The following ST8SIA3 variants were observed in gnomAD, a reference collection of about 807,000 sequenced individuals.
ST8SIA3 encodes ST8 alpha-N-acetyl-neuraminide alpha-2,8-sialyltransferase 3.
A neutral mutation model predicts 34.5 loss-of-function variants in ST8SIA3; 17 were observed. The observed-to-expected ratio is 0.49, with a 90% CI of 0.34 to 0.74. The LOEUF is 0.74. Among genes scored for constraint, ST8SIA3 ranks in the 30% least tolerant of loss-of-function variants. The pLI is 0.01. For missense variants in ST8SIA3, 354 were observed against 467.8 expected, an observed-to-expected ratio of 0.76 and a Z score of 2.24; for synonymous variants, 172 against 176.1, an observed-to-expected ratio of 0.98 and a Z score of 0.19.
Position 57,352,814 on chromosome 18 carries a change from T to G in ST8SIA3, c.-33T>G, listed in dbSNP as rs897045760. On this transcript the variant is annotated 5_prime_UTR_variant, in exon 1 of 4. Transcript: ENST00000324000. ...CTGCTGGCCGCTCAATGGACCGATT[T>G]CCCCGGTTTCCCTGAACCCAGCCCA... 2 of 1,603,906 alleles carry G rather than the reference T, an allele frequency of 1.2e-6. No individual in the cohort carries two copies. The highest frequency in any genetic ancestry group is 2.7e-5 in the African/African-American group (2 of 74,544).
In ST8SIA3 at chr18:57,356,934, C is replaced by T. The variant is rs372710146; in HGVS notation, c.324C>T (p.Val108=). ...TTAGGCAAGAAATTCTTCAGCATGT[C>T]GATGTAATAAAAAATTTTTCTTTGA... ...LHQRQEILQH[V]DVIKNFSLTK... is the part of the protein sequence containing the mutation. The change falls in exon 3 of 4, where the codon GTC becomes GTT. Residue 108 remains valine, a synonymous_variant. Transcript: ENST00000324000. The T allele has an allele frequency of 2.1e-4, 339 of 1,598,440 alleles. 1 individual carries two copies. Among genetic ancestry groups the T allele is most frequent in the Non-Finnish European group, 2.7e-4 (322 of 1,171,310 alleles).
intron 3 of ST8SIA3, among the ~76,000 whole-genome samples, chr18:57,358,077 T>G (rs2049809219): frequency 6.6e-6 from 1 of 152,246 alleles, no homozygotes; most frequent in South Asian, 2.1e-4. Context: ...CAACTCTGGT[T>G]GTATATTAGA....
At chr18:57,356,133 C>T (rs1408509877) in intron 2 of ST8SIA3, among the ~76,000 whole-genome samples, 1 of 152,138 alleles carries the variant, frequency 6.6e-6, no homozygotes, top group Non-Finnish European at 1.5e-5. Context: ...CTTAATTTTA[C>T]TTAAAGCTCA....
rs1471611192 is a variant in ST8SIA3, at chr18:57,368,531, G to A, written c.*8254G>A. 6.6e-6 allele frequency: 1 copy of A among 152,154 alleles called. No individual in the cohort carries two copies. The highest frequency in any genetic ancestry group is 1.5e-5 in the Non-Finnish European group (1 of 68,040). 9.4% of individuals were successfully genotyped at this position (152,154 alleles called of 1,614,324 possible). A position where few individuals can be genotyped will look rare whatever the true frequency, so the allele number is the denominator to read the frequency against. On this transcript the variant is annotated 3_prime_UTR_variant, in exon 4 of 4. Coordinates refer to ENST00000324000, the MANE Select transcript of ST8SIA3 (RefSeq NM_015879.3). Reference sequence around the variant, plus strand: ...AGTGCCATTTTATGCTGAGATACTGGTATTGAAAACTTCCCTCTTTCCCAA... The same window carrying A: ...AGTGCCATTTTATGCTGAGATACTGATATTGAAAACTTCCCTCTTTCCCAA...
intron 2 of ST8SIA3, among the ~76,000 whole-genome samples, chr18:57,355,051 G>T (rs1054011640): frequency 9.9e-5 from 15 of 152,110 alleles, no homozygotes; most frequent in Non-Finnish European, 5.9e-5. Flanking sequence ...TTTAACTATG[G>T]TTTTGTTTTG....
chr18:57,354,390 G>C lies in ST8SIA3; in HGVS notation c.180-12G>C. On this transcript the variant is annotated splice_polypyrimidine_tract_variant and intron_variant, in intron 1 of 3. Coordinates refer to ENST00000324000, the MANE Select transcript of ST8SIA3 (RefSeq NM_015879.3). ...GGCCAGCACGCTTGTCTGTGCTCAT[G>C]CTCCTCTCCAGGTCACAATTTGCGC... 1 of 1,613,870 alleles carries C rather than the reference G, an allele frequency of 6.2e-7. No homozygotes were observed. Among genetic ancestry groups the C allele is most frequent in the Non-Finnish European group, 8.5e-7 (1 of 1,179,840 alleles).
intron 3 of ST8SIA3, among the ~76,000 whole-genome samples, chr18:57,359,642 A>G (rs75142474): frequency 0.011 from 1,722 of 152,258 alleles, 37 homozygotes; most frequent in African/African-American, 0.039. Context: ...ACCACTCTTT[A>G]GAAAAACCCA....
rs1440875283 is a variant in ST8SIA3 at position 57,355,603 on chromosome 18, T to C, written c.302+1079T>C. Among the ~76,000 whole-genome samples, 4 of 152,294 alleles carry C rather than the reference T, an allele frequency of 2.6e-5. No individual in the cohort carries two copies. The East Asian group carries it at 7.7e-4, about 29-fold the overall frequency. Reference sequence around the variant, plus strand: ...ATCAATTCTAAAACTCTAGAAGTGTTTTTTTAATAATTGGGTTTTAATTCA... The same window carrying C: ...ATCAATTCTAAAACTCTAGAAGTGTCTTTTTAATAATTGGGTTTTAATTCA... On this transcript the variant is annotated intron_variant, in intron 2 of 3. Transcript: ENST00000324000.
At position 57,368,558 on chromosome 18, in the gene ST8SIA3, T is replaced by C. The variant is rs973720376; in HGVS notation, c.*8281T>C. On this transcript the variant is annotated 3_prime_UTR_variant, in exon 4 of 4. Transcript: ENST00000324000. ...ATTGAAAACTTCCCTCTTTCCCAACTCTGTCAGAAGTTCTCTTGCTCTTTG... is the reference window on the plus strand; with the variant it reads ...ATTGAAAACTTCCCTCTTTCCCAACCCTGTCAGAAGTTCTCTTGCTCTTTG... 7 of 152,224 alleles carry C rather than the reference T, an allele frequency of 4.6e-5. No individual in the cohort carries two copies. The highest frequency in any genetic ancestry group is 1.7e-4 in the African/African-American group (7 of 41,452). The allele number at this position is 152,224 out of a possible 1,614,324, so 9.4% of individuals were successfully genotyped here.
At position 57,352,558 on chromosome 18, in the gene ST8SIA3, C is replaced by A; in HGVS notation, c.-289C>A. 2.5e-6 allele frequency: 1 copy of A among 395,664 alleles called. No homozygotes were observed. The highest frequency in any genetic ancestry group is 4.6e-6 in the Non-Finnish European group (1 of 215,386). The allele number at this position is 395,664 out of a possible 1,614,324, so 24.5% of individuals were successfully genotyped here. On this transcript the variant is annotated 5_prime_UTR_variant, in exon 1 of 4. Transcript: ENST00000324000. ...CGGGGACGCACGGCGCTGCGCGCTCCTTCGCCACGCCGCCGCGCAGCCCCT... is the reference window on the plus strand; with the variant it reads ...CGGGGACGCACGGCGCTGCGCGCTCATTCGCCACGCCGCCGCGCAGCCCCT...
At chr18:57,353,083 G>T in intron 1 of ST8SIA3, 58 bp downstream of exon 1, 2 of 1,574,058 alleles carry the variant, frequency 1.3e-6, no homozygotes, top group Non-Finnish European at 1.7e-6. Flanking sequence ...GGTGTTTGGG[G>T]AAGGGAAGGC....
chr18:57,354,526 T>C lies in ST8SIA3; in HGVS notation c.302+2T>C. On this transcript the variant is annotated splice_donor_variant, in intron 2 of 3. Coordinates refer to ENST00000324000, the MANE Select transcript of ST8SIA3 (RefSeq NM_015879.3). LOFTEE classifies it high-confidence loss of function. The stretch of plus-strand genomic sequence containing the variant: ...TCGGACAGCGTTTTTACATCAAAGG[T>C]AGGATAGGAGGAAAAGATCCAAAAG... 4 of 1,613,952 alleles carry C rather than the reference T, an allele frequency of 2.5e-6. No individual in the cohort carries two copies. The highest frequency in any genetic ancestry group is 3.4e-6 in the Non-Finnish European group (4 of 1,179,892).
At position 57,352,765 on chromosome 18, in the gene ST8SIA3, CACACAT is replaced by C. The variant is rs759676048; in HGVS notation, c.-80_-75del. ...ACACACACACACACACACACACACA[CACACAT>C]ATATACACGCCAGCGAGCTGCTGGC... On this transcript the variant is annotated 5_prime_UTR_variant, in exon 1 of 4. Coordinates refer to ENST00000324000, the MANE Select transcript of ST8SIA3 (RefSeq NM_015879.3). The C allele has an allele frequency of 2.3e-5, 23 of 998,756 alleles. No homozygotes were observed. In the East Asian group the frequency reaches 4.8e-4, roughly 21 times the overall value. 61.9% of individuals were successfully genotyped at this position (998,756 alleles called of 1,614,324 possible).
intron 1 of ST8SIA3, 55 bp from the exon 2 acceptor site, chr18:57,354,347 T>G: frequency 6.2e-7 from 1 of 1,608,600 alleles, no homozygotes; most frequent in South Asian, 1.1e-5. Context: ...AATGGCTACC[T>G]CGGCTTCCCC....
intron 1 of ST8SIA3, among the ~76,000 whole-genome samples, 158 bp downstream of exon 1, chr18:57,353,183 C>T (rs1368725675): frequency 1.3e-5 from 2 of 152,044 alleles, no homozygotes; most frequent in African/African-American, 2.4e-5. Flanking sequence ...CTCCCTTCCC[C>T]CTCCCTGTTA....
In ST8SIA3 at chr18:57,365,883, G is replaced by C. The variant is rs1489726647; in HGVS notation, c.*5606G>C. On this transcript the variant is annotated 3_prime_UTR_variant, in exon 4 of 4. Transcript: ENST00000324000. ...GGCTTTAGACAACAGTGATACCAAA[G>C]GGTTCCTTTGATTTTCCTTCTGTGT... 6.6e-6 allele frequency: 1 copy of C among 152,128 alleles called. No homozygotes were observed. Among genetic ancestry groups the C allele is most frequent in the Admixed American group, 6.5e-5 (1 of 15,270 alleles). 9.4% of individuals were successfully genotyped at this position (152,128 alleles called of 1,614,324 possible). A position where few individuals can be genotyped will look rare whatever the true frequency, so the allele number is the denominator to read the frequency against.
Position 57,366,071 on chromosome 18 carries a change from A to C in ST8SIA3, c.*5794A>C, listed in dbSNP as rs1371862078. 2.0e-5 allele frequency: 3 copies of C among 152,184 alleles called. No individual in the cohort carries two copies. Among genetic ancestry groups the C allele is most frequent in the African/African-American group, 7.2e-5 (3 of 41,444 alleles). The allele number at this position is 152,184 out of a possible 1,614,324, so 9.4% of individuals were successfully genotyped here. On this transcript the variant is annotated 3_prime_UTR_variant, in exon 4 of 4. Transcript: ENST00000324000. Reference sequence around the variant, plus strand: ...CTAACTTAATGTCAACCAGCTGAAAACACAACAATATGTTTTCAAGAGCCA... The same window carrying C: ...CTAACTTAATGTCAACCAGCTGAAACCACAACAATATGTTTTCAAGAGCCA...
rs763030000 is a variant in ST8SIA3, at chr18:57,365,480, C to T, written c.*5203C>T. On this transcript the variant is annotated 3_prime_UTR_variant, in exon 4 of 4. Coordinates refer to ENST00000324000, the MANE Select transcript of ST8SIA3 (RefSeq NM_015879.3). ...AATATACACTTTGTCTCAAGGCCAG[C>T]TCTTCATATTTCCCTCTTTATATTT... 13 of 152,156 alleles carry T rather than the reference C, an allele frequency of 8.5e-5. No individual in the cohort carries two copies. The highest frequency in any genetic ancestry group is 1.5e-4 in the Non-Finnish European group (10 of 68,026). 9.4% of individuals were successfully genotyped at this position (152,156 alleles called of 1,614,324 possible).
rs150651010 is a variant in ST8SIA3, at chr18:57,364,671, T to C, written c.*4394T>C. 8.6e-3 allele frequency: 1,312 copies of C among 152,658 alleles called. 47 individuals carry two copies. Among genetic ancestry groups the C allele is most frequent in the East Asian group, 0.084 (434 of 5,172 alleles). 9.5% of individuals were successfully genotyped at this position (152,658 alleles called of 1,614,324 possible). A position where few individuals can be genotyped will look rare whatever the true frequency, so the allele number is the denominator to read the frequency against. On this transcript the variant is annotated 3_prime_UTR_variant, in exon 4 of 4. Transcript: ENST00000324000. ...TGGGTGCTGGGGATTGAGGGCACCT[T>C]GGCCAGCTGATTGACCTGTCTGGAC...
Sources: allele counts gnomAD v4.1 joint callset (sites outside exome capture counted in the v4.1 genomes callset), GRCh38; gene constraint gnomAD v4.1.1; transcripts MANE v1.5; gene names NCBI Gene and HGNC (gene_info 2026-07-23, HGNC 2026-07-21).